Variants in LAMA2 observed in about 807,000 individuals in gnomAD.
LAMA2 encodes laminin subunit alpha 2, also known as laminin subunit alpha-2.
Under a neutral mutation model 364.8 loss-of-function variants are expected in LAMA2, and 269 were observed. The ratio of observed to expected loss-of-function variants is 0.74; its 90% CI spans 0.67 to 0.82. The LOEUF (loss-of-function observed/expected upper bound fraction) is 0.82. Among genes scored for constraint, LAMA2 ranks in the 40% least tolerant of loss-of-function variants. LAMA2 has a pLI of 0.00. For missense variants in LAMA2, 3,807 were observed against 3,873.2 expected, an observed-to-expected ratio of 0.98 and a Z score of 0.45; for synonymous variants, 1,379 against 1,370.6, an observed-to-expected ratio of 1.01 and a Z score of -0.14.
chr6:129,513,172 T>C (rs1432330643), intron 63 of LAMA2, among the ~76,000 whole-genome samples: 1 of 152,192 alleles, frequency 6.6e-6, no homozygotes, highest in Admixed American at 6.6e-5. Flanking sequence ...TCAGTTCACG[T>C]TTCCACCCTT....
chr6:129,464,880 T>C (rs529922531), intron 50 of LAMA2, among the ~76,000 whole-genome samples: 20 of 152,120 alleles, frequency 1.3e-4, no homozygotes, highest in African/African-American at 4.8e-4. Flanking sequence ...TCACTTAATA[T>C]GTTTTCAAAT....
At chr6:129,407,066 C>G (rs1037753083) in intron 40 of LAMA2, among the ~76,000 whole-genome samples, 23 of 152,106 alleles carry the variant, frequency 1.5e-4, no homozygotes, top group Non-Finnish European at 7.3e-5. Flanking sequence ...AAGATCTACT[C>G]TTTCCACTTT....
At chr6:129,367,311 C>T (rs1777830730) in intron 33 of LAMA2, among the ~76,000 whole-genome samples, 1 of 152,158 alleles carries the variant, frequency 6.6e-6, no homozygotes, top group African/African-American at 2.4e-5. Flanking sequence ...GCACTTGGTT[C>T]CCTGGGGATT....
chr6:129,337,283 T>C (rs1369390192), intron 29 of LAMA2, among the ~76,000 whole-genome samples: 1 of 152,208 alleles, frequency 6.6e-6, no homozygotes, highest in African/African-American at 2.4e-5. Context: ...AGGAAGTACA[T>C]TTAATATATT....
chr6:129,224,279 T>C lies in LAMA2; in HGVS notation c.1783-25833T>C, dbSNP rs568949596. Among the ~76,000 whole-genome samples, 4 of 152,354 alleles carry C rather than the reference T, an allele frequency of 2.6e-5. No homozygotes were observed. In the South Asian group the frequency reaches 8.3e-4, roughly 32 times the overall value. On this transcript the variant is annotated intron_variant, in intron 12 of 64. Transcript: ENST00000421865. ...ATGGGGTTTTCTAAATATACAATTATGTCATCTGCAAACAGGGACAATTTG... is the reference window on the plus strand; with the variant it reads ...ATGGGGTTTTCTAAATATACAATTACGTCATCTGCAAACAGGGACAATTTG...
chr6:128,900,939 G>T (rs750803064), intron 1 of LAMA2, among the ~76,000 whole-genome samples: 1 of 152,202 alleles, frequency 6.6e-6, no homozygotes, highest in African/African-American at 2.4e-5. Flanking sequence ...ATGGCTTGAG[G>T]CCAGGAGTTC....
chr6:128,975,151 C>T (rs1196940221), intron 1 of LAMA2, among the ~76,000 whole-genome samples: 1 of 152,008 alleles, frequency 6.6e-6, no homozygotes, highest in African/African-American at 2.4e-5. Context: ...CGCGCCTGGC[C>T]ATGAGTAACA....
At chr6:129,093,692 T>G (rs2114864406) in intron 3 of LAMA2, among the ~76,000 whole-genome samples, 1 of 152,372 alleles carries the variant, frequency 6.6e-6, no homozygotes, top group Admixed American at 6.5e-5. Context: ...CATCAGTAAT[T>G]AAATGATATT....
At chr6:129,158,358 C>A (rs935675753) in intron 8 of LAMA2, 33 of 1,613,902 alleles carry the variant, frequency 2.0e-5, no homozygotes, top group Non-Finnish European at 2.8e-5. Flanking sequence ...CACTCTTTCG[C>A]CATGCCATTT....
chr6:129,192,952 C>T, intron 12 of LAMA2, 99 bp downstream of exon 12: 1 of 1,217,612 alleles, frequency 8.2e-7, no homozygotes, highest in South Asian at 1.3e-5. Context: ...AAATCAAATA[C>T]ACACTGAATT....
At chr6:129,371,247 ATG>A (rs66522065) in intron 34 of LAMA2, among the ~76,000 whole-genome samples, 86,806 of 148,130 alleles carry the variant, frequency 0.59, 25,454 homozygotes, top group East Asian at 0.74. Flanking sequence ...GAACTTTGAG[ATG>A]TGTGTGTGTG....
intron 63 of LAMA2, among the ~76,000 whole-genome samples, chr6:129,513,472 A>G (rs1273271240): frequency 6.6e-6 from 1 of 152,210 alleles, no homozygotes; most frequent in Non-Finnish European, 1.5e-5. Flanking sequence ...TTTTACATGC[A>G]AAAGCCTGTT....
At chr6:129,379,614 T>A (rs546048875) in intron 34 of LAMA2, among the ~76,000 whole-genome samples, 1 of 152,210 alleles carries the variant, frequency 6.6e-6, no homozygotes, top group East Asian at 1.9e-4. Context: ...CTTCCTACCC[T>A]CTTCCTGCCC....
chr6:129,025,790 C>T (rs544770595), intron 1 of LAMA2, among the ~76,000 whole-genome samples: 2 of 152,262 alleles, frequency 1.3e-5, no homozygotes, highest in Admixed American at 1.3e-4. Context: ...GCATTTGAAA[C>T]ATTCTCAATA....
intron 7 of LAMA2, among the ~76,000 whole-genome samples, chr6:129,153,141 T>A (rs1389156756): frequency 1.3e-5 from 2 of 152,188 alleles, no homozygotes; most frequent in South Asian, 2.1e-4. Flanking sequence ...CTGGAGAAAG[T>A]GATTTTTCAC....
Position 129,454,239 on chromosome 6 carries a change from C to G in LAMA2, c.6658C>G (p.Pro2220Ala), listed in dbSNP as rs772807124. The G allele has an allele frequency of 1.2e-6, 2 of 1,612,186 alleles. No individual in the cohort carries two copies. Among genetic ancestry groups the G allele is most frequent in the Non-Finnish European group, 8.5e-7 (1 of 1,178,662 alleles). The change falls in exon 47 of 65, where the codon CCA (proline) becomes GCA (alanine). Residue 2220 changes from proline to alanine, a missense_variant. Coordinates refer to ENST00000421865, the MANE Select transcript of LAMA2 (RefSeq NM_000426.4). Reference sequence around the variant, plus strand: ...ATCTGGAGTTGGACGTGTAGAGTACCCAGATTTGACTATTGATGACTCATA... The same window carrying G: ...ATCTGGAGTTGGACGTGTAGAGTACGCAGATTTGACTATTGATGACTCATA... ...VGSGVGRVEY[P>A]DLTIDDSYWY... is the part of the protein sequence containing the mutation.
intron 29 of LAMA2, among the ~76,000 whole-genome samples, chr6:129,340,878 A>AAAGAC (rs1248378373): frequency 1.4e-5 from 2 of 147,848 alleles, no homozygotes; most frequent in Admixed American, 6.8e-5. Flanking sequence ...AAAGAAAAGA[A>AAAGAC]AAGACTTGTA....
In LAMA2 at chr6:129,487,781, G is replaced by A. The variant is rs146559522; in HGVS notation, c.7898+1159G>A. Reference sequence around the variant, plus strand: ...GTTCATGCAGAATGGCTACTGAGACGTTTAGAAACCATGATCGAGACAAAT... The same window carrying A: ...GTTCATGCAGAATGGCTACTGAGACATTTAGAAACCATGATCGAGACAAAT... On this transcript the variant is annotated intron_variant, in intron 56 of 64. Coordinates refer to ENST00000421865, the MANE Select transcript of LAMA2 (RefSeq NM_000426.4). 3.6e-3 allele frequency among the ~76,000 whole-genome samples: 546 copies of A among 152,214 alleles called. 3 individuals are homozygous for A. Among genetic ancestry groups the A allele is most frequent in the African/African-American group, 0.011 (459 of 41,546 alleles).
intron 44 of LAMA2, among the ~76,000 whole-genome samples, chr6:129,443,554 A>G (rs1053072311): frequency 3.9e-5 from 6 of 152,190 alleles, no homozygotes; most frequent in African/African-American, 1.4e-4. Flanking sequence ...ACTTAATTGC[A>G]AGAGGATTAA....
Sources: allele counts gnomAD v4.1 joint callset (sites outside exome capture counted in the v4.1 genomes callset), GRCh38; gene constraint gnomAD v4.1.1; transcripts MANE v1.5; gene names NCBI Gene and HGNC (gene_info 2026-07-23, HGNC 2026-07-21).